Variants in DDX24 observed in about 807,000 individuals in gnomAD.
DDX24 encodes ATP-dependent RNA helicase DDX24.
DDX24 carries 24 observed loss-of-function variants against 68.9 expected under a neutral mutation model. That is an observed-to-expected ratio of 0.35 (90% CI 0.25 to 0.49). The LOEUF is 0.49. Among genes scored for constraint, DDX24 ranks in the 20% least tolerant of loss-of-function variants. DDX24 has a pLI of 0.99. For missense variants in DDX24, 989 were observed against 1,039.0 expected (o/e 0.95, Z 0.66); for synonymous variants, 395 against 385.2 (o/e 1.03, Z -0.30).
At chr14:94,075,219 A>C (rs1885913060) in intron 2 of DDX24, among the ~76,000 whole-genome samples, 1 of 152,184 alleles carries the variant, frequency 6.6e-6, no homozygotes, top group African/African-American at 2.4e-5. Context: ...AAAAAGAACA[A>C]AGTTAGAGGA....
chr14:94,060,819 T>A (rs1885581949), intron 4 of DDX24, 94 bp downstream of exon 4: 3 of 1,537,432 alleles, frequency 2.0e-6, no homozygotes, highest in African/African-American at 2.7e-5. Context: ...ACCATAGCAT[T>A]CTGCGATGAG....
intron 2 of DDX24, among the ~76,000 whole-genome samples, chr14:94,076,793 C>G (rs1373570215): frequency 2.6e-5 from 4 of 150,996 alleles, no homozygotes; most frequent in Non-Finnish European, 5.9e-5. Flanking sequence ...GGAGGGACAA[C>G]AAAAAAAACC....
At chr14:94,057,079 A>T (rs1885504678) in intron 6 of DDX24, 1 of 152,182 alleles carries the variant, frequency 6.6e-6, no homozygotes, top group Non-Finnish European at 1.5e-5. Flanking sequence ...TCTCAGGATA[A>T]CCCTATGGGG....
chr14:94,061,221 C>T (rs1273691961), intron 3 of DDX24, among the ~76,000 whole-genome samples, 155 bp from the exon 4 acceptor site: 5 of 152,148 alleles, frequency 3.3e-5, no homozygotes, highest in African/African-American at 7.2e-5. Context: ...AGACTGTTGA[C>T]GCCACTCCTA....
rs968641786 is a variant in DDX24 at position 94,062,163 on chromosome 14, G to A, written c.1177C>T (p.Leu393=). The A allele has an allele frequency of 1.2e-6, 2 of 1,614,098 alleles. No individual in the cohort carries two copies. Among genetic ancestry groups the A allele is most frequent in the East Asian group, 2.2e-5 (1 of 44,870 alleles). ...ACGGCCAGCTCTCGAGTGGGAGTCA[G>A]AACCAGTCCAAGCAGAGGACGCTTT... The part of the protein sequence containing the change: ...YPKRPLLGLV[L]TPTRELAVQV... The change falls in exon 3 of 9, where the codon CTG becomes TTG. Residue 393 remains leucine, a synonymous_variant. Coordinates refer to ENST00000621632, the MANE Select transcript of DDX24 (RefSeq NM_020414.4).
At position 94,050,082 on chromosome 14, in the gene DDX24, A is replaced by C. The variant is rs1885361456; in HGVS notation, c.*1109T>G. ...TGTATTGTATTGTGCCCCGACGAAT[A>C]CCTGTTTGGAAGCCAGACAGCTGTG... On this transcript the variant is annotated 3_prime_UTR_variant, in exon 9 of 9. Transcript: ENST00000621632. 6.6e-6 allele frequency: 1 copy of C among 152,202 alleles called. No individual in the cohort carries two copies. Among genetic ancestry groups the C allele is most frequent in the Non-Finnish European group, 1.5e-5 (1 of 68,064 alleles). 9.4% of individuals were successfully genotyped at this position (152,202 alleles called of 1,614,324 possible). A position where few individuals can be genotyped will look rare whatever the true frequency, so the allele number is the denominator to read the frequency against.
chr14:94,062,434 A>T lies in DDX24; in HGVS notation c.906T>A (p.Thr302=), dbSNP rs745678925. ...EAESDALPDD[T]VIESEALPSD... ...TGGGCAGTGCTTCACTCTCAATTAC[A>T]GTATCGTCAGGCAATGCATCAGACT... Residue 302 remains threonine (T), a synonymous_variant, in exon 3 of 9, where the codon ACT becomes ACA. Coordinates refer to ENST00000621632, the MANE Select transcript of DDX24 (RefSeq NM_020414.4). 3 of 1,614,128 alleles carry T rather than the reference A, an allele frequency of 1.9e-6. No individual in the cohort carries two copies. Among genetic ancestry groups the T allele is most frequent in the Non-Finnish European group, 1.7e-6 (2 of 1,180,016 alleles).
At chr14:94,072,957 T>C (rs1014370791) in intron 2 of DDX24, among the ~76,000 whole-genome samples, 1 of 149,028 alleles carries the variant, frequency 6.7e-6, no homozygotes, top group Admixed American at 6.7e-5. Context: ...AAATTTAAAA[T>C]AAAAAACAGA....
Position 94,075,489 on chromosome 14 carries a change from A to G in DDX24, c.718+3536T>C, listed in dbSNP as rs114384067. On this transcript the variant is annotated intron_variant, in intron 2 of 8. Coordinates refer to ENST00000621632, the MANE Select transcript of DDX24 (RefSeq NM_020414.4). ...CTTTGATCCATACTTCTCACTCTAA[A>G]TAAAAGTTAACTCAATAAGGATCAG... Among the ~76,000 whole-genome samples, 204 of 152,348 alleles carry G rather than the reference A, an allele frequency of 1.3e-3. 2 individuals are homozygous for G. The highest frequency in any genetic ancestry group is 4.6e-3 in the African/African-American group (193 of 41,594).
At chr14:94,080,070 G>A (rs1886034242) in intron 1 of DDX24, among the ~76,000 whole-genome samples, 2 of 152,200 alleles carry the variant, frequency 1.3e-5, no homozygotes, top group Non-Finnish European at 2.9e-5. Flanking sequence ...TATAAAAAGG[G>A]GGGAGGGTAC....
intron 3 of DDX24, 72 bp downstream of exon 3, chr14:94,062,025 G>C: frequency 6.8e-7 from 1 of 1,474,974 alleles, no homozygotes; most frequent in Non-Finnish European, 9.0e-7. Flanking sequence ...AGGAGCCACA[G>C]CTCATTCATC....
At chr14:94,060,637 T>C (rs763729968) in intron 4 of DDX24, 24 bp from the exon 5 acceptor site, 5 of 1,606,054 alleles carry the variant, frequency 3.1e-6, no homozygotes, top group East Asian at 4.5e-5. Flanking sequence ...GAGACCCATA[T>C]CATTGGTCAG....
chr14:94,071,315 A>C (rs1885823114), intron 2 of DDX24, among the ~76,000 whole-genome samples: 1 of 152,146 alleles, frequency 6.6e-6, no homozygotes, highest in Non-Finnish European at 1.5e-5. Flanking sequence ...ATACCACCTT[A>C]CTCCTGCAAG....
chr14:94,070,372 CAA>C (rs1372689811), intron 2 of DDX24, among the ~76,000 whole-genome samples: 2 of 151,852 alleles, frequency 1.3e-5, no homozygotes, highest in Non-Finnish European at 2.9e-5. Context: ...ACAACAGAAA[CAA>C]ATGGAAACAC....
intron 2 of DDX24, among the ~76,000 whole-genome samples, chr14:94,069,035 GAAAC>G (rs879468676): frequency 4.6e-5 from 7 of 151,984 alleles, no homozygotes; most frequent in South Asian, 2.1e-4. Context: ...AAATGAAATT[GAAAC>G]AAACAAACAA....
At chr14:94,071,102 A>C (rs867163996) in intron 2 of DDX24, among the ~76,000 whole-genome samples, 24 of 152,372 alleles carry the variant, frequency 1.6e-4, no homozygotes, top group Middle Eastern at 3.4e-3. Flanking sequence ...AAATCTTCAC[A>C]ATCTATACAT....
chr14:94,053,755 G>A (rs1335312061), intron 7 of DDX24, among the ~76,000 whole-genome samples: 1 of 152,078 alleles, frequency 6.6e-6, no homozygotes, highest in African/African-American at 2.4e-5. Flanking sequence ...CGAAGGTTGT[G>A]GTGAGCCAAG....
At chr14:94,076,625 G>C (rs553917489) in intron 2 of DDX24, among the ~76,000 whole-genome samples, 2 of 149,436 alleles carry the variant, frequency 1.3e-5, no homozygotes, top group Non-Finnish European at 3.0e-5. Flanking sequence ...AGGTTGCAGT[G>C]AGCCGAGATT....
In DDX24 at chr14:94,069,286, G is replaced by GA. The variant is rs538098989; in HGVS notation, c.719-6666dup. ...CCTAGAAAAGATGGATAAATTCCTGGAAAAAAAACCCTCCTAGCTTAAGTC... is the reference window on the plus strand; with the variant it reads ...CCTAGAAAAGATGGATAAATTCCTGGAAAAAAAAACCCTCCTAGCTTAAGTC... On this transcript the variant is annotated intron_variant, in intron 2 of 8. Coordinates refer to ENST00000621632, the MANE Select transcript of DDX24 (RefSeq NM_020414.4). 2.2e-3 allele frequency among the ~76,000 whole-genome samples: 332 copies of GA among 151,216 alleles called. 2 individuals carry two copies. The highest frequency in any genetic ancestry group is 0.017 in the Middle Eastern group (5 of 294).
Sources: allele counts gnomAD v4.1 joint callset (sites outside exome capture counted in the v4.1 genomes callset), GRCh38; gene constraint gnomAD v4.1.1; transcripts MANE v1.5; gene names NCBI Gene and HGNC (gene_info 2026-07-23, HGNC 2026-07-21).